Variants in MAGI3 observed in about 807,000 individuals in gnomAD.
MAGI3 encodes membrane associated guanylate kinase, WW and PDZ domain containing 3.
A neutral mutation model predicts 121.8 loss-of-function variants in MAGI3; 43 were observed. The ratio of observed to expected loss-of-function variants is 0.35; its 90% CI spans 0.28 to 0.46. The LOEUF (loss-of-function observed/expected upper bound fraction) is 0.46. Ranked by LOEUF, MAGI3 falls within the 20% of genes least tolerant of loss-of-function variation. The pLI is 1.00. For synonymous variants in MAGI3, 553 were observed against 639.3 expected, an observed-to-expected ratio of 0.86 and a Z score of 2.04; for missense variants, 1,547 against 1,797.3, an observed-to-expected ratio of 0.86 and a Z score of 2.52.
chr1:113,449,285 G>A (rs893062477), intron 1 of MAGI3, among the ~76,000 whole-genome samples: 1 of 152,088 alleles, frequency 6.6e-6, no homozygotes, highest in Admixed American at 6.6e-5. Context: ...GATAATGCAT[G>A]AGTGGTGAAT....
intron 2 of MAGI3, among the ~76,000 whole-genome samples, chr1:113,576,228 A>C (rs1647624902): frequency 6.6e-6 from 1 of 152,176 alleles, no homozygotes; most frequent in African/African-American, 2.4e-5. Flanking sequence ...TACAAAAAAA[A>C]ACTCCTGCAG....
intron 1 of MAGI3, among the ~76,000 whole-genome samples, chr1:113,445,485 T>C (rs1215852936): frequency 6.6e-6 from 1 of 152,140 alleles, no homozygotes; most frequent in African/African-American, 2.4e-5. Context: ...GGCATGCACC[T>C]GTAGTCCCAG....
At chr1:113,674,495 A>G (rs1647758152) in intron 19 of MAGI3, among the ~76,000 whole-genome samples, 1 of 151,346 alleles carries the variant, frequency 6.6e-6, no homozygotes, top group Admixed American at 6.6e-5. Context: ...TTTAATTTCT[A>G]GACACCGTTC....
At chr1:113,416,029 A>G (rs1188600024) in intron 1 of MAGI3, among the ~76,000 whole-genome samples, 1 of 148,846 alleles carries the variant, frequency 6.7e-6, no homozygotes, top group African/African-American at 2.4e-5. Context: ...GTAATTAATG[A>G]CACATATTAA....
chr1:113,423,905 G>A (rs543706661), intron 1 of MAGI3, among the ~76,000 whole-genome samples: 81 of 152,066 alleles, frequency 5.3e-4, no homozygotes, highest in Admixed American at 1.8e-3. Flanking sequence ...GGGTGGGGGC[G>A]GGGACTGGTG....
At chr1:113,473,107 T>G (rs1160761754) in intron 1 of MAGI3, among the ~76,000 whole-genome samples, 1 of 152,228 alleles carries the variant, frequency 6.6e-6, no homozygotes, top group Non-Finnish European at 1.5e-5. Context: ...AGAACTCACT[T>G]TAGCATTTCT....
At chr1:113,475,258 G>T (rs1409277417) in intron 1 of MAGI3, among the ~76,000 whole-genome samples, 1 of 152,198 alleles carries the variant, frequency 6.6e-6, no homozygotes, top group African/African-American at 2.4e-5. Flanking sequence ...GCCCCAGCCA[G>T]AACTTCCAAC....
chr1:113,653,369 C>T (rs1015771754), intron 14 of MAGI3, among the ~76,000 whole-genome samples: 2 of 152,012 alleles, frequency 1.3e-5, no homozygotes, highest in Non-Finnish European at 2.9e-5. Context: ...GTCAGGAGTT[C>T]GAGACCAGCC....
intron 1 of MAGI3, among the ~76,000 whole-genome samples, chr1:113,405,934 G>C (rs1390521987): frequency 1.3e-5 from 2 of 152,012 alleles, no homozygotes; most frequent in African/African-American, 2.4e-5. Context: ...CTTTTCTGTT[G>C]TGTTTGGTTT....
intron 1 of MAGI3, among the ~76,000 whole-genome samples, chr1:113,420,433 A>G (rs546150866): frequency 2.4e-4 from 37 of 152,330 alleles, no homozygotes; most frequent in Non-Finnish European, 4.8e-4. Context: ...AGGGCTGTAG[A>G]TTTAGGAACC....
At chr1:113,605,976 CT>C (rs34615761) in intron 6 of MAGI3, among the ~76,000 whole-genome samples, 1 of 150,854 alleles carries the variant, frequency 6.6e-6, no homozygotes, top group Non-Finnish European at 1.5e-5. Context: ...AATTATTATT[CT>C]TTTTTTGAGA....
At chr1:113,471,073 G>A (rs1655516520) in intron 1 of MAGI3, among the ~76,000 whole-genome samples, 3 of 152,088 alleles carry the variant, frequency 2.0e-5, no homozygotes, top group African/African-American at 7.2e-5. Flanking sequence ...TAGTCCATTT[G>A]AGTTGGTTTT....
Position 113,537,413 on chromosome 1 carries a change from C to T in MAGI3, c.317-12102C>T, listed in dbSNP as rs144951459. On this transcript the variant is annotated intron_variant, in intron 1 of 20. Coordinates refer to ENST00000307546, the MANE Select transcript of MAGI3 (RefSeq NM_001142782.2). ...TACTATTCCACTCTCAAGTTACTGT[C>T]GTCTGCAGCTTTGAAGTAGGTTTGC... 5.1e-4 allele frequency among the ~76,000 whole-genome samples: 77 copies of T among 152,228 alleles called. 1 individual carries two copies. In the East Asian group the frequency reaches 0.011, roughly 22 times the overall value.
chr1:113,590,100 A>G (rs1467143306), intron 4 of MAGI3, among the ~76,000 whole-genome samples: 1 of 152,092 alleles, frequency 6.6e-6, no homozygotes, highest in Non-Finnish European at 1.5e-5. Context: ...GAGATTAATA[A>G]TAGATACTCA....
chr1:113,673,596 G>A (rs1377310617), intron 19 of MAGI3, 131 bp downstream of exon 19: 1 of 950,648 alleles, frequency 1.1e-6, no homozygotes, highest in Non-Finnish European at 1.5e-6. Flanking sequence ...ATCACTGGTA[G>A]CTAAAAAAGG....
At chr1:113,582,463 G>C (rs925810531) in intron 3 of MAGI3, among the ~76,000 whole-genome samples, 1 of 66,994 alleles carries the variant, frequency 1.5e-5, no homozygotes, top group Non-Finnish European at 3.6e-5. Flanking sequence ...TGGATTTATA[G>C]GTATCAACAT....
chr1:113,515,909 A>G (rs375899815), intron 1 of MAGI3, among the ~76,000 whole-genome samples: 23 of 152,190 alleles, frequency 1.5e-4, no homozygotes, highest in African/African-American at 2.9e-4. Flanking sequence ...TTATAGATCA[A>G]TTGTGCCTGG....
chr1:113,548,745 C>A (rs1288349054), intron 1 of MAGI3, among the ~76,000 whole-genome samples: 2 of 152,216 alleles, frequency 1.3e-5, no homozygotes. Context: ...TGTTTTAAAT[C>A]TCACTCTGGC....
chr1:113,682,296 A>G, intron 20 of MAGI3: 1 of 1,588,570 alleles, frequency 6.3e-7, no homozygotes, highest in Non-Finnish European at 8.5e-7. Flanking sequence ...TTCCTTAAAA[A>G]GACTTGGTAA....
Sources: gnomAD v4.1 joint callset for allele counts (sites outside exome capture counted in the v4.1 genomes callset) on GRCh38, gnomAD v4.1.1 for gene constraint, MANE v1.5 for transcripts, NCBI Gene and HGNC (gene_info 2026-07-23, HGNC 2026-07-21) for gene names.